The following SLC22A3 variants were observed in gnomAD, a reference collection of about 807,000 sequenced individuals.
The protein encoded by SLC22A3 is solute carrier family 22 member 3, also known as EMT organic cation transporter 3.
Under a neutral mutation model 59.1 loss-of-function variants are expected in SLC22A3, and 51 were observed. That is an observed-to-expected ratio of 0.86 (90% CI 0.69 to 1.09). SLC22A3 has a LOEUF of 1.09. Among genes scored for constraint, SLC22A3 ranks in the 50% least tolerant of loss-of-function variants. The pLI is 0.00. For missense variants in SLC22A3, 711 were observed against 726.3 expected (o/e 0.98, Z 0.24); for synonymous variants, 325 against 292.0 (o/e 1.11, Z -1.15).
At chr6:160,410,675 T>A in intron 4 of SLC22A3, 54 bp from the exon 5 acceptor site, 3 of 1,104,904 alleles carry the variant, frequency 2.7e-6, no homozygotes, top group Non-Finnish European at 4.2e-6. Context: ...AGGCAATAGA[T>A]TTTAGCGTTT....
chr6:160,386,430 ATTATCT>A (rs755351149), intron 1 of SLC22A3, among the ~76,000 whole-genome samples: 6 of 152,182 alleles, frequency 3.9e-5, no homozygotes, highest in Non-Finnish European at 8.8e-5. Context: ...TTTGAGTGAG[ATTATCT>A]TTAAGTCTTT....
At chr6:160,372,405 C>T (rs897649315) in intron 1 of SLC22A3, among the ~76,000 whole-genome samples, 8 of 152,194 alleles carry the variant, frequency 5.3e-5, no homozygotes, top group Non-Finnish European at 7.3e-5. Flanking sequence ...GGTAACCTGA[C>T]CTTTCTCTCT....
intron 8 of SLC22A3, 119 bp from the exon 9 acceptor site, chr6:160,443,511 T>C: frequency 1.4e-6 from 1 of 729,106 alleles, no homozygotes; most frequent in Non-Finnish European, 2.4e-6. Flanking sequence ...GTTTTCAAAG[T>C]TAGAAAATGC....
intron 5 of SLC22A3, among the ~76,000 whole-genome samples, chr6:160,414,905 A>G (rs1452488052): frequency 6.6e-6 from 1 of 152,180 alleles, no homozygotes; most frequent in African/African-American, 2.4e-5. Context: ...TCGGATGCTC[A>G]AATTGCTCCA....
chr6:160,443,617 T>A lies in SLC22A3; in HGVS notation c.1398-13T>A, dbSNP rs1788630561. On this transcript the variant is annotated splice_polypyrimidine_tract_variant and intron_variant, in intron 8 of 10. Transcript: ENST00000275300. ...GAAATAGTTTTCACTTAAAATTACT[T>A]TTCATTCAACAGAAATTTCGGAGTT... The A allele has an allele frequency of 6.3e-7, 1 of 1,574,950 alleles. No individual in the cohort carries two copies. The highest frequency in any genetic ancestry group is 8.7e-7 in the Non-Finnish European group (1 of 1,144,666).
chr6:160,391,929 G>A (rs1469299086), intron 1 of SLC22A3, among the ~76,000 whole-genome samples: 7 of 152,156 alleles, frequency 4.6e-5, no homozygotes, highest in South Asian at 2.1e-4. Context: ...CTCCTATTTC[G>A]AAGCTTAGCT....
intron 1 of SLC22A3, among the ~76,000 whole-genome samples, chr6:160,359,664 A>C (rs757096016): frequency 6.6e-6 from 1 of 152,242 alleles, no homozygotes; most frequent in Non-Finnish European, 1.5e-5. Context: ...AGCTGTAATT[A>C]AATCTAGCCT....
At chr6:160,401,846 TA>T (rs1432583455) in intron 2 of SLC22A3, among the ~76,000 whole-genome samples, 7 of 151,706 alleles carry the variant, frequency 4.6e-5, no homozygotes, top group Admixed American at 2.0e-4. Context: ...AAGCAACTAC[TA>T]AAAAAAGATT....
intron 1 of SLC22A3, among the ~76,000 whole-genome samples, chr6:160,394,363 G>A (rs939590003): frequency 7.9e-5 from 12 of 152,182 alleles, no homozygotes; most frequent in African/African-American, 2.7e-4. Flanking sequence ...TTTGGTGCCC[G>A]CTAATCTCTC....
At chr6:160,391,215 A>G (rs1196060994) in intron 1 of SLC22A3, among the ~76,000 whole-genome samples, 2 of 152,148 alleles carry the variant, frequency 1.3e-5, no homozygotes, top group African/African-American at 4.8e-5. Context: ...CCAGTCCTAT[A>G]AAATACGCTG....
At chr6:160,432,934 T>C (rs1446204088) in intron 5 of SLC22A3, among the ~76,000 whole-genome samples, 2 of 152,206 alleles carry the variant, frequency 1.3e-5, no homozygotes, top group African/African-American at 4.8e-5. Flanking sequence ...CTCTCTGTAA[T>C]AGGAATGATA....
intron 1 of SLC22A3, among the ~76,000 whole-genome samples, chr6:160,376,792 T>C (rs1382125389): frequency 1.3e-5 from 2 of 152,236 alleles, no homozygotes; most frequent in Non-Finnish European, 2.9e-5. Flanking sequence ...ATATATTTTT[T>C]GTTTTAATAA....
At chr6:160,375,994 G>A (rs1447859786) in intron 1 of SLC22A3, among the ~76,000 whole-genome samples, 1 of 151,960 alleles carries the variant, frequency 6.6e-6, no homozygotes, top group Non-Finnish European at 1.5e-5. Flanking sequence ...ATTGTTGGGA[G>A]GACTTAATGA....
Position 160,348,824 on chromosome 6 carries a change from G to A in SLC22A3, c.405G>A (p.Gln135=), listed in dbSNP as rs1459091153. The change falls in exon 1 of 11, where the codon CAG becomes CAA. Residue 135 remains glutamine, a synonymous_variant. Coordinates refer to ENST00000275300, the MANE Select transcript of SLC22A3 (RefSeq NM_021977.4). ...VPCRGGWRYA[Q]AHSTIVSEFD... ...GCCGCGGCGGCTGGCGCTACGCCCA[G>A]GCCCACTCCACCATCGTCAGCGAGG... The A allele has an allele frequency of 1.0e-5, 16 of 1,583,278 alleles. No individual in the cohort carries two copies. Among genetic ancestry groups the A allele is most frequent in the Non-Finnish European group, 1.4e-5 (16 of 1,173,100 alleles).
At chr6:160,386,159 G>A (rs1293118047) in intron 1 of SLC22A3, among the ~76,000 whole-genome samples, 2 of 152,228 alleles carry the variant, frequency 1.3e-5, no homozygotes, top group African/African-American at 4.8e-5. Context: ...GCACATGAAG[G>A]AGCCTCTTGG....
At chr6:160,373,419 C>A (rs1221381096) in intron 1 of SLC22A3, among the ~76,000 whole-genome samples, 1 of 152,146 alleles carries the variant, frequency 6.6e-6, no homozygotes, top group Admixed American at 6.5e-5. Flanking sequence ...TGAGCCAGAG[C>A]TCTTTTGTAT....
Position 160,451,576 on chromosome 6 carries a change from C to G in SLC22A3, c.*520C>G, listed in dbSNP as rs1788966429. On this transcript the variant is annotated 3_prime_UTR_variant, in exon 11 of 11. Transcript: ENST00000275300. ...GAAGGCTGAATCACAGGCACCTGGG[C>G]CAAAGGGTGTGAGCATTCATGTTCT... 6.0e-6 allele frequency: 1 copy of G among 165,696 alleles called. No individual in the cohort carries two copies. Among genetic ancestry groups the G allele is most frequent in the South Asian group, 1.6e-4 (1 of 6,184 alleles). The allele number at this position is 165,696 out of a possible 1,614,324, so 10.3% of individuals were successfully genotyped here.
At position 160,451,163 on chromosome 6, in the gene SLC22A3, C is replaced by T. The variant is rs527260329; in HGVS notation, c.*107C>T. On this transcript the variant is annotated 3_prime_UTR_variant, in exon 11 of 11. Coordinates refer to ENST00000275300, the MANE Select transcript of SLC22A3 (RefSeq NM_021977.4). ...TGCATTTCAGCTACATCATGCCGCG[C>T]TGTTGTAATACTGTATAAAGACCTC... is the stretch of plus-strand genomic sequence containing the variant. 2.1e-6 allele frequency: 2 copies of T among 974,820 alleles called. No individual in the cohort carries two copies. Among genetic ancestry groups the T allele is most frequent in the South Asian group, 1.4e-5 (1 of 72,404 alleles). 60.4% of individuals were successfully genotyped at this position (974,820 alleles called of 1,614,324 possible).
chr6:160,361,534 A>G (rs113042195), intron 1 of SLC22A3, among the ~76,000 whole-genome samples: 1 of 152,208 alleles, frequency 6.6e-6, no homozygotes, highest in Non-Finnish European at 1.5e-5. Flanking sequence ...GGCTTCAATA[A>G]TGTTCACTGT....
Sources: gnomAD v4.1 joint callset for allele counts (sites outside exome capture counted in the v4.1 genomes callset) on GRCh38, gnomAD v4.1.1 for gene constraint, MANE v1.5 for transcripts, NCBI Gene and HGNC (gene_info 2026-07-23, HGNC 2026-07-21) for gene names.